NHSL1: variants seen among roughly 807,000 people sequenced by gnomAD.
NHSL1 encodes the protein NHS-like protein 1.
Under a neutral mutation model 95.0 loss-of-function variants are expected in NHSL1, and 48 were observed. The ratio of observed to expected loss-of-function variants is 0.51; its 90% confidence interval spans 0.40 to 0.64. The LOEUF (loss-of-function observed/expected upper bound fraction) is 0.64. Ranked by LOEUF, NHSL1 falls within the 30% of genes least tolerant of loss-of-function variation. The pLI is 0.00. For missense variants in NHSL1, 1,971 were observed against 2,077.7 expected, an observed-to-expected ratio of 0.95 and a Z score of 1.00; for synonymous variants, 783 against 833.9, an observed-to-expected ratio of 0.94 and a Z score of 1.05.
At chr6:138,632,464 G>T (rs1281513507) in intron 1 of NHSL1, among the ~76,000 whole-genome samples, 3 of 152,228 alleles carry the variant, frequency 2.0e-5, no homozygotes, top group African/African-American at 7.2e-5. Flanking sequence ...GGTCCTAGTA[G>T]ATGGTAACCA....
At chr6:138,656,874 T>A (rs1057378711) in intron 1 of NHSL1, among the ~76,000 whole-genome samples, 1 of 152,218 alleles carries the variant, frequency 6.6e-6, no homozygotes, top group African/African-American at 2.4e-5. Context: ...CAATTTTATT[T>A]AGGGGTCAAC....
At chr6:138,662,878 T>G (rs1785244130) in intron 1 of NHSL1, among the ~76,000 whole-genome samples, 1 of 151,994 alleles carries the variant, frequency 6.6e-6, no homozygotes, top group Admixed American at 6.6e-5. Flanking sequence ...CATACACTGC[T>G]GGAATTGATG....
chr6:138,492,603 A>G (rs1039296883), intron 2 of NHSL1, among the ~76,000 whole-genome samples: 5 of 152,218 alleles, frequency 3.3e-5, no homozygotes, highest in African/African-American at 1.2e-4. Flanking sequence ...TCTTCAGTTA[A>G]TCTGTTAACT....
At chr6:138,513,828 A>G (rs1781339841) in intron 1 of NHSL1, among the ~76,000 whole-genome samples, 1 of 152,226 alleles carries the variant, frequency 6.6e-6, no homozygotes, top group South Asian at 2.1e-4. Context: ...GATTTGTTCA[A>G]TGACTAATTT....
chr6:138,446,823 G>C, intron 4 of NHSL1, 178 bp downstream of exon 4: 1 of 621,304 alleles, frequency 1.6e-6, no homozygotes, highest in Non-Finnish European at 2.8e-6. Context: ...ACAAGCAGTA[G>C]ACATTTTATA....
At chr6:138,568,454 A>T (rs1050160963) in intron 1 of NHSL1, among the ~76,000 whole-genome samples, 1 of 152,236 alleles carries the variant, frequency 6.6e-6, no homozygotes, top group African/African-American at 2.4e-5. Context: ...TTTTACTATA[A>T]AGAAGACACT....
chr6:138,495,836 G>C (rs959222807), intron 2 of NHSL1, among the ~76,000 whole-genome samples: 2 of 152,176 alleles, frequency 1.3e-5, no homozygotes, highest in African/African-American at 4.8e-5. Flanking sequence ...AAGGTGAAAG[G>C]CACGTCTTAT....
At chr6:138,581,993 T>C (rs115524103) in intron 1 of NHSL1, among the ~76,000 whole-genome samples, 6,318 of 150,772 alleles carry the variant, frequency 0.042, 425 homozygotes, top group African/African-American at 0.14. Context: ...GCCTCCCAAG[T>C]TCAAGCGATT....
chr6:138,532,986 C>A (rs561481473), intron 1 of NHSL1, among the ~76,000 whole-genome samples: 2 of 152,148 alleles, frequency 1.3e-5, no homozygotes, highest in Admixed American at 1.3e-4. Context: ...GAAGTCCTTA[C>A]GGTAGCTAAG....
At chr6:138,639,364 C>T (rs1261051810) in intron 1 of NHSL1, among the ~76,000 whole-genome samples, 1 of 151,532 alleles carries the variant, frequency 6.6e-6, no homozygotes, top group Non-Finnish European at 1.5e-5. Context: ...TATGGCTGGG[C>T]GCAATGGCTC....
intron 1 of NHSL1, among the ~76,000 whole-genome samples, chr6:138,588,007 G>GGAAACAGAACCAGAA (rs1784163360): frequency 6.6e-6 from 1 of 152,280 alleles, no homozygotes; most frequent in South Asian, 2.1e-4. Context: ...TCATGTGCTA[G>GGAAACAGAACCAGAA]TGGTGATGCT....
At chr6:138,579,220 T>C (rs1336190570) in intron 1 of NHSL1, among the ~76,000 whole-genome samples, 1 of 152,234 alleles carries the variant, frequency 6.6e-6, no homozygotes, top group East Asian at 1.9e-4. Flanking sequence ...AGCCTGGGGT[T>C]TGGGGACCCC....
chr6:138,604,080 G>A (rs1008069288), intron 1 of NHSL1, among the ~76,000 whole-genome samples: 4 of 152,148 alleles, frequency 2.6e-5, no homozygotes, highest in Non-Finnish European at 5.9e-5. Context: ...CATCATCAGC[G>A]TTAAGTTTTG....
At chr6:138,444,381 AGTT>A (rs2128218025) in intron 4 of NHSL1, among the ~76,000 whole-genome samples, 1 of 152,298 alleles carries the variant, frequency 6.6e-6, no homozygotes, top group Non-Finnish European at 1.5e-5. Context: ...CAGATGGAAG[AGTT>A]GTTGTCCCAC....
At position 138,431,487 on chromosome 6, in the gene NHSL1, G is replaced by C. The variant is rs756341839; in HGVS notation, c.2858C>G (p.Pro953Arg). Residue 953 changes from proline to arginine, a missense_variant, in exon 6 of 8, where the codon CCA becomes CGA. By Grantham distance (103) the Pro-to-Arg change is moderately radical. Coordinates refer to ENST00000343505, the MANE Select transcript of NHSL1 (RefSeq NM_001144060.2). This position sits in a 1 kb window ranked among gnomAD's most constrained non-coding sequence, Gnocchi z 4.0. ...CTGGGAGCAATCTGTGACAGGAGGTGGGGGAGGAAGGAAAGGAGACCTGTC... is the reference window on the plus strand; with the variant it reads ...CTGGGAGCAATCTGTGACAGGAGGTCGGGGAGGAAGGAAAGGAGACCTGTC... ...PADRSPFLPP[P>R]PPVTDCSQGS... 6.4e-7 allele frequency: 1 copy of C among 1,551,278 alleles called. No individual in the cohort carries two copies. The highest frequency in any genetic ancestry group is 1.2e-5 in the South Asian group (1 of 83,990).
intron 1 of NHSL1, among the ~76,000 whole-genome samples, chr6:138,645,823 G>A (rs1785013424): frequency 6.6e-6 from 1 of 151,998 alleles, no homozygotes; most frequent in Non-Finnish European, 1.5e-5. Context: ...TTTTTTCTCT[G>A]CCTCCACAAA....
At position 138,424,449 on chromosome 6, in the gene NHSL1, A is replaced by G; in HGVS notation, c.4453T>C (p.Leu1485=). Residue 1485 remains leucine (L), a synonymous_variant, in exon 8 of 8, where the codon TTG becomes CTG. Coordinates refer to ENST00000343505, the MANE Select transcript of NHSL1 (RefSeq NM_001144060.2). This position sits in a 1 kb window ranked among gnomAD's most constrained non-coding sequence, Gnocchi z 5.9. ...AQEEWAKNEG[L]MPRSLSFSGP... is the part of the protein sequence containing the mutation. ...GAAAAGGACAGACTCCGAGGCATCA[A>G]GCCTTCGTTCTTGGCCCACTCCTCC... is the stretch of plus-strand genomic sequence containing the variant. The G allele has an allele frequency of 1.9e-6, 3 of 1,550,702 alleles. No homozygotes were observed. The highest frequency in any genetic ancestry group is 2.6e-6 in the Non-Finnish European group (3 of 1,146,362).
chr6:138,647,080 CT>C (rs1219859612), intron 1 of NHSL1, among the ~76,000 whole-genome samples: 1 of 152,190 alleles, frequency 6.6e-6, no homozygotes, highest in African/African-American at 2.4e-5. Context: ...CAACATCCAA[CT>C]CTCAGCTTCT....
chr6:138,459,098 C>T (rs1777826604), intron 3 of NHSL1, among the ~76,000 whole-genome samples: 1 of 152,088 alleles, frequency 6.6e-6, no homozygotes, highest in Admixed American at 6.5e-5. Flanking sequence ...CTGGGTTCTC[C>T]TTCCTCAGCC....
Sources: allele counts gnomAD v4.1 joint callset (sites outside exome capture counted in the v4.1 genomes callset), GRCh38; gene constraint gnomAD v4.1.1; non-coding constraint Gnocchi (gnomAD v3.1); transcripts MANE v1.5; gene names NCBI Gene and HGNC (gene_info 2026-07-23, HGNC 2026-07-21).